SYNPO2: variants seen among roughly 807,000 people sequenced by gnomAD.
SYNPO2 encodes the protein synaptopodin-2.
In SYNPO2, 56 loss-of-function variants were observed where a neutral mutation model predicts 85.0. The observed-to-expected ratio is 0.66, with a 90% CI of 0.53 to 0.82. The LOEUF is 0.82. Ranked by LOEUF, SYNPO2 falls within the 40% of genes least tolerant of loss-of-function variation. SYNPO2 has a pLI of 0.00. For missense variants in SYNPO2, 1,575 were observed against 1,534.2 expected (o/e 1.03, Z -0.44); for synonymous variants, 602 against 591.1 (o/e 1.02, Z -0.27).
At chr4:118,926,077 G>T (rs1395151582) in intron 1 of SYNPO2, among the ~76,000 whole-genome samples, 2 of 152,118 alleles carry the variant, frequency 1.3e-5, no homozygotes, top group African/African-American at 4.8e-5. Flanking sequence ...TGCAGGAGAT[G>T]GAGCATGCCA....
At chr4:119,036,475 A>G (rs1384204034) in intron 4 of SYNPO2, 2 of 985,334 alleles carry the variant, frequency 2.0e-6, no homozygotes, top group African/African-American at 1.7e-5. Flanking sequence ...GGGAAAAAGC[A>G]GAATTGAATT....
chr4:119,052,692 AGAG>A (rs1385804478), intron 4 of SYNPO2, among the ~76,000 whole-genome samples: 2 of 152,300 alleles, frequency 1.3e-5, no homozygotes, highest in South Asian at 2.1e-4. Context: ...CTGGGGAAGG[AGAG>A]GAGATTTAAC....
At chr4:118,953,741 C>A (rs914218499) in intron 1 of SYNPO2, among the ~76,000 whole-genome samples, 16 of 151,998 alleles carry the variant, frequency 1.1e-4, no homozygotes, top group African/African-American at 3.6e-4. Flanking sequence ...TTTTAGATTC[C>A]TAGGAATTAA....
chr4:118,880,886 A>C (rs1282789414), intron 1 of SYNPO2, among the ~76,000 whole-genome samples: 1 of 152,134 alleles, frequency 6.6e-6, no homozygotes, highest in Non-Finnish European at 1.5e-5. Flanking sequence ...AATGTAAAAC[A>C]TGCAATATTT....
In SYNPO2 at chr4:119,057,832, T is replaced by C. The variant is rs763138857; in HGVS notation, c.3684T>C (p.Asn1228=). 1.2e-6 allele frequency: 2 copies of C among 1,614,060 alleles called. No individual in the cohort carries two copies. Among genetic ancestry groups the C allele is most frequent in the South Asian group, 2.2e-5 (2 of 91,072 alleles). Residue 1228 remains asparagine (N), a synonymous_variant, in exon 5 of 5, where the codon AAT becomes AAC. Coordinates refer to ENST00000307142, the MANE Select transcript of SYNPO2 (RefSeq NM_133477.3). ...CATATTATAGGCAGGCTTCAAGAAA[T>C]GATTCTGCAATCATGTCCATGGAAA... ...PYAYYRQASR[N]DSAIMSMETR... is the part of the protein sequence containing the mutation.
At chr4:118,935,918 G>A (rs1165735840) in intron 1 of SYNPO2, among the ~76,000 whole-genome samples, 1 of 152,176 alleles carries the variant, frequency 6.6e-6, no homozygotes, top group East Asian at 1.9e-4. Context: ...TTCATGTTGC[G>A]TAGGAGGAAG....
intron 2 of SYNPO2, 134 bp downstream of exon 2, chr4:119,023,715 A>G: frequency 9.9e-7 from 1 of 1,014,808 alleles, no homozygotes. Context: ...ATAGTTAAAC[A>G]GAAACACCAC....
At chr4:119,053,481 G>C (rs1739114005) in intron 4 of SYNPO2, among the ~76,000 whole-genome samples, 1 of 152,178 alleles carries the variant, frequency 6.6e-6, no homozygotes, top group Admixed American at 6.5e-5. Context: ...CATTGAGCTG[G>C]TTGCTCTTCT....
chr4:119,029,798 T>G, intron 3 of SYNPO2, 47 bp from the exon 4 acceptor site: 1 of 1,507,320 alleles, frequency 6.6e-7, no homozygotes, highest in Non-Finnish European at 8.8e-7. Context: ...GGTGTCTTCC[T>G]TGAACTCATC....
chr4:119,031,255 C>T lies in SYNPO2; in HGVS notation c.2480C>T (p.Pro827Leu), dbSNP rs777838583. The T allele has an allele frequency of 3.3e-5, 53 of 1,614,112 alleles. No individual in the cohort carries two copies. Among genetic ancestry groups the T allele is most frequent in the Middle Eastern group, 3.3e-4 (2 of 6,062 alleles). Residue 827 changes from proline to leucine, a missense_variant, in exon 4 of 5, where the codon CCC becomes CTC. Transcript: ENST00000307142. ...RPASTLNVAGPFKGPQAAVAS... is the reference protein window; with the variant it reads ...RPASTLNVAGLFKGPQAAVAS... ...GCAAGTACTTTGAACGTGGCTGGTC[C>T]CTTCAAAGGACCACAAGCAGCAGTA...
intron 1 of SYNPO2, among the ~76,000 whole-genome samples, chr4:118,881,683 C>T (rs1319291589): frequency 2.6e-5 from 4 of 152,180 alleles, no homozygotes; most frequent in Non-Finnish European, 4.4e-5. Context: ...GGTAGTTTTT[C>T]CCTAAGCCAC....
chr4:118,958,377 T>C (rs769377080), intron 1 of SYNPO2, among the ~76,000 whole-genome samples: 9 of 152,206 alleles, frequency 5.9e-5, no homozygotes, highest in Non-Finnish European at 1.3e-4. Flanking sequence ...TCTTATTTCG[T>C]GTATGAAATA....
chr4:118,899,432 CAG>C (rs1182062523), intron 1 of SYNPO2, among the ~76,000 whole-genome samples: 2 of 151,992 alleles, frequency 1.3e-5, no homozygotes, highest in African/African-American at 4.8e-5. Flanking sequence ...ATGTGATTGA[CAG>C]ACTTTTTCAG....
intron 1 of SYNPO2, among the ~76,000 whole-genome samples, chr4:118,894,228 C>T (rs1310465210): frequency 1.3e-5 from 2 of 151,968 alleles, no homozygotes; most frequent in Non-Finnish European, 2.9e-5. Flanking sequence ...CCGCCCTTCC[C>T]CACTGCCTCT....
chr4:118,929,999 A>AT (rs1357494258), intron 1 of SYNPO2, among the ~76,000 whole-genome samples: 1 of 152,148 alleles, frequency 6.6e-6, no homozygotes, highest in African/African-American at 2.4e-5. Context: ...ACGTCTTTAA[A>AT]TTAATGTTCA....
At chr4:118,948,526 A>G (rs192841685) in intron 1 of SYNPO2, among the ~76,000 whole-genome samples, 205 of 152,304 alleles carry the variant, frequency 1.3e-3, no homozygotes, top group African/African-American at 4.7e-3. Context: ...TATAAAGAAA[A>G]GAGTTTTTAT....
chr4:118,968,441 C>T (rs1247893073), intron 1 of SYNPO2, among the ~76,000 whole-genome samples: 1 of 152,182 alleles, frequency 6.6e-6, no homozygotes, highest in East Asian at 1.9e-4. Flanking sequence ...CTCAGCCACT[C>T]CTGAGCTCCA....
At chr4:118,948,155 T>C (rs1004801168) in intron 1 of SYNPO2, among the ~76,000 whole-genome samples, 1 of 152,198 alleles carries the variant, frequency 6.6e-6, no homozygotes, top group African/African-American at 2.4e-5. Context: ...ATATTTCCAA[T>C]AGTGGTTTTC....
At chr4:119,028,490 G>C (rs1452650951) in intron 3 of SYNPO2, among the ~76,000 whole-genome samples, 1 of 152,068 alleles carries the variant, frequency 6.6e-6, no homozygotes, top group African/African-American at 2.4e-5. Flanking sequence ...TTAAACAAGA[G>C]TATTGAGACA....
Sources: gnomAD v4.1 joint callset for allele counts (sites outside exome capture counted in the v4.1 genomes callset) on GRCh38, gnomAD v4.1.1 for gene constraint, MANE v1.5 for transcripts, NCBI Gene and HGNC (gene_info 2026-07-23, HGNC 2026-07-21) for gene names.